Variants in LPA observed in about 807,000 individuals in gnomAD.
LPA encodes lipoprotein(a), also known as apolipoprotein(a).
LPA carries 199 observed loss-of-function variants against 197.9 expected under a neutral mutation model. The observed-to-expected ratio is 1.01, with a 90% CI of 0.90 to 1.13. The LOEUF (loss-of-function observed/expected upper bound fraction) is 1.13. Ranked by LOEUF, LPA falls within the 50% of genes most tolerant of loss-of-function variation. The pLI, the probability that LPA is intolerant of heterozygous loss-of-function variation, is 0.00. For synonymous variants in LPA, 715 were observed against 639.5 expected, an observed-to-expected ratio of 1.12 and a Z score of -1.78; for missense variants, 1,853 against 1,785.8, an observed-to-expected ratio of 1.04 and a Z score of -0.68.
At chr6:160,611,164 C>T (rs191582391) in intron 16 of LPA, among the ~76,000 whole-genome samples, 100 of 152,192 alleles carry the variant, frequency 6.6e-4, no homozygotes, top group Non-Finnish European at 1.2e-3. Context: ...ATAAACTTTC[C>T]TCATGAGCCC....
intron 28 of LPA, among the ~76,000 whole-genome samples, chr6:160,576,368 A>ATATATATATATATATGTATG: frequency 1.4e-4 from 1 of 7,232 alleles, no homozygotes; most frequent in African/African-American, 5.4e-4. Flanking sequence ...ATATATATAC[A>ATATATATATATATATGTATG]TATATATATA....
intron 20 of LPA, 110 bp downstream of exon 20, chr6:160,599,390 C>A: frequency 6.7e-7 from 1 of 1,491,420 alleles, no homozygotes; most frequent in South Asian, 1.1e-5. Context: ...GGAAATGTTC[C>A]TCTGCATCTG....
chr6:160,615,348 C>G (rs1294394845), intron 14 of LPA, among the ~76,000 whole-genome samples: 1 of 146,284 alleles, frequency 6.8e-6, no homozygotes, highest in East Asian at 2.0e-4. Flanking sequence ...GGTGTGTTTT[C>G]AGTTTGTGTG....
At chr6:160,601,387 CT>C (rs1242442905) in intron 18 of LPA, among the ~76,000 whole-genome samples, 3 of 152,196 alleles carry the variant, frequency 2.0e-5, no homozygotes, top group Admixed American at 1.3e-4. Context: ...GAATATCCTC[CT>C]TCTGCCTTCT....
At chr6:160,596,960 C>T (rs749594302) in intron 20 of LPA, among the ~76,000 whole-genome samples, 2 of 152,046 alleles carry the variant, frequency 1.3e-5, no homozygotes, top group Non-Finnish European at 2.9e-5. Flanking sequence ...TGAAATGCAC[C>T]GTATGACTCC....
At chr6:160,584,376 G>T (rs183467723) in intron 26 of LPA, among the ~76,000 whole-genome samples, 1 of 142,458 alleles carries the variant, frequency 7.0e-6, no homozygotes, top group East Asian at 2.0e-4. Flanking sequence ...CTGTCACCCA[G>T]GCTGGAGTGC....
intron 30 of LPA, among the ~76,000 whole-genome samples, chr6:160,553,490 G>T (rs561282397): frequency 6.6e-6 from 1 of 151,946 alleles, no homozygotes; most frequent in East Asian, 1.9e-4. Flanking sequence ...TGGACATGTC[G>T]TCCTAGGTTG....
chr6:160,609,745 T>A (rs756021990), intron 16 of LPA, among the ~76,000 whole-genome samples: 9 of 151,968 alleles, frequency 5.9e-5, no homozygotes, highest in Non-Finnish European at 7.4e-5. Flanking sequence ...ATTTCCCTAT[T>A]TCTTTAGGGA....
intron 21 of LPA, 91 bp from the exon 22 acceptor site, chr6:160,594,208 C>G: frequency 6.7e-7 from 1 of 1,485,150 alleles, no homozygotes. Flanking sequence ...ATCATTGTCT[C>G]TGAGAAAGAC....
chr6:160,664,205 T>C lies in LPA; in HGVS notation c.10A>G (p.Lys4Glu), dbSNP rs1282846608. Residue 4 changes from lysine to glutamate, a missense_variant, in exon 1 of 39, where the codon AAG becomes GAG. By Grantham distance (56) the Lys-to-Glu change is moderately conservative. Transcript: ENST00000316300. ...AAAAGAAGTAGAAGAACCACTTCCT[T>C]ATGTTCCATTTTGGGACTGGCCAGC... MEH[K>E]EVVLLLLLFL... 1 of 1,606,750 alleles carries C rather than the reference T, an allele frequency of 6.2e-7. No individual in the cohort carries two copies.
At chr6:160,544,797 A>G (rs1778038449) in intron 33 of LPA, among the ~76,000 whole-genome samples, 1 of 152,156 alleles carries the variant, frequency 6.6e-6, no homozygotes, top group Admixed American at 6.5e-5. Context: ...TGTTACCCCA[A>G]TCATTTAAGA....
chr6:160,611,073 C>T (rs1212551360), intron 16 of LPA, among the ~76,000 whole-genome samples: 2 of 152,058 alleles, frequency 1.3e-5, no homozygotes, highest in African/African-American at 4.8e-5. Context: ...GCCACTGGTA[C>T]TTAGGACCAA....
intron 30 of LPA, among the ~76,000 whole-genome samples, 182 bp downstream of exon 30, chr6:160,555,843 T>G (rs1778253679): frequency 6.6e-6 from 1 of 152,110 alleles, no homozygotes. Context: ...TTAGAAAAGA[T>G]AGCAAGCCTA....
Position 160,531,622 on chromosome 6 carries a change from G to C in LPA, c.*107C>G. The stretch of plus-strand genomic sequence containing the variant: ...CAAGGTTTGGCATAGCTGGTAGCTG[G>C]GAACAGTGTCTTCGTTTGATTGCTG... On this transcript the variant is annotated 3_prime_UTR_variant, in exon 39 of 39. Coordinates refer to ENST00000316300, the MANE Select transcript of LPA (RefSeq NM_005577.4). 1 of 1,468,380 alleles carries C rather than the reference G, an allele frequency of 6.8e-7. No homozygotes were observed. Among genetic ancestry groups the C allele is most frequent in the Non-Finnish European group, 9.5e-7 (1 of 1,051,058 alleles). The allele number at this position is 1,468,380 out of a possible 1,614,324, so 91.0% of individuals were successfully genotyped here.
rs779482827 is a variant in LPA, at chr6:160,606,546, C to T, written c.2716G>A (p.Ala906Thr). 43 of 1,613,604 alleles carry T rather than the reference C, an allele frequency of 2.7e-5. No homozygotes were observed. Among genetic ancestry groups the T allele is most frequent in the East Asian group, 2.2e-5 (1 of 44,888 alleles). The change falls in exon 17 of 39, where the codon GCA (alanine) becomes ACA (threonine). Residue 906 changes from alanine (A) to threonine (T), a missense_variant. By Grantham distance (58) the Ala-to-Thr change is moderately conservative (BLOSUM62 0). This residue lies in a region of LPA where 1,737 missense variants were observed against 1,504.4 expected (regional missense o/e 1.15). Coordinates refer to ENST00000316300, the MANE Select transcript of LPA (RefSeq NM_005577.4). ...GGAGGCGCGACGGCAGTCCCTTCTG[C>T]GTCTGAGCATTGTGTCAGGTTGCAG... Reference protein sequence around the residue: ...EYCNLTQCSDAEGTAVAPPTI... With the variant: ...EYCNLTQCSDTEGTAVAPPTI...
intron 36 of LPA, among the ~76,000 whole-genome samples, chr6:160,538,803 G>A (rs1175008208): frequency 3.3e-5 from 5 of 152,104 alleles, no homozygotes; most frequent in African/African-American, 1.2e-4. Context: ...GTGGGGATGT[G>A]CGGTGGGAAC....
chr6:160,557,547 C>T lies in LPA; in HGVS notation c.4656G>A (p.Arg1552=), dbSNP rs374160113. The change falls in exon 29 of 39, where the codon AGG becomes AGA. Residue 1552 remains arginine (R), a synonymous_variant. Transcript: ENST00000316300. ...AGGGTTGTTTCCCAGAATCTGGATT[C>T]CTGCAGTAGTTCTCGGTCAGGCCAC... is the stretch of plus-strand genomic sequence containing the variant. ...PNAGLTENYC[R]NPDSGKQPWC... The T allele has an allele frequency of 6.2e-7, 1 of 1,614,098 alleles. No individual in the cohort carries two copies. The highest frequency in any genetic ancestry group is 8.5e-7 in the Non-Finnish European group (1 of 1,179,998).
chr6:160,653,967 T>TATATATA (rs1285349992), intron 1 of LPA, among the ~76,000 whole-genome samples: 1 of 24,488 alleles, frequency 4.1e-5, no homozygotes, highest in Non-Finnish European at 6.9e-5. Flanking sequence ...TAATATATAT[T>TATATATA]ATATATAATA....
intron 30 of LPA, among the ~76,000 whole-genome samples, chr6:160,555,455 A>ATATATATATATATATATATATG (rs1287454419): frequency 7.5e-5 from 10 of 133,072 alleles, no homozygotes; most frequent in South Asian, 4.9e-4. Context: ...ATATATATAT[A>ATATATATATATATATATATATG]TGTGTGTGTA....
Sources: gnomAD v4.1 joint callset for allele counts (sites outside exome capture counted in the v4.1 genomes callset) on GRCh38, gnomAD v4.1.1 for gene constraint, gnomAD v4.1.1 regional missense constraint, MANE v1.5 for transcripts, NCBI Gene and HGNC (gene_info 2026-07-23, HGNC 2026-07-21) for gene names.